Variants in EFNB1 observed in about 807,000 individuals in gnomAD.
EFNB1 encodes the protein ephrin-B1.
A neutral mutation model predicts 18.1 loss-of-function variants in EFNB1; 1 was observed. The ratio of observed to expected loss-of-function variants is 0.06; its 90% CI spans 0.02 to 0.26. The LOEUF (loss-of-function observed/expected upper bound fraction) is 0.26. Among genes scored for constraint, EFNB1 ranks in the 10% least tolerant of loss-of-function variants. The probability of loss-of-function intolerance (pLI) is 1.00; values close to 1 mark genes in which losing one functional copy is unlikely to be tolerated. For synonymous variants in EFNB1, 131 were observed against 127.5 expected, an observed-to-expected ratio of 1.03 and a Z score of -0.19; for missense variants, 221 against 301.8, an observed-to-expected ratio of 0.73 and a Z score of 1.98.
intron 2 of EFNB1, among the ~76,000 whole-genome samples, chrX:68,839,322 G>A (rs1396837981): frequency 1.8e-5 from 2 of 112,211 alleles, no homozygotes; most frequent in African/African-American, 6.5e-5. Context: ...CTCCAACCCA[G>A]TTCTCCTGAT....
intron 3 of EFNB1, 74 bp downstream of exon 3, chrX:68,839,830 A>C (rs1407807270): frequency 8.5e-7 from 1 of 1,175,484 alleles, no homozygotes; most frequent in Middle Eastern, 2.5e-4. Context: ...GGCTGGGTGC[A>C]TGTGTATTAG....
chrX:68,831,119 G>A (rs2080444051), intron 1 of EFNB1, among the ~76,000 whole-genome samples: 1 of 111,098 alleles, frequency 9.0e-6, no homozygotes, highest in Admixed American at 9.5e-5. Flanking sequence ...TGCTCCATCC[G>A]TGATCACTGA....
At chrX:68,838,480 T>G in intron 1 of EFNB1, 137 bp from the exon 2 acceptor site, 2 of 707,454 alleles carry the variant, frequency 2.8e-6, no homozygotes, top group South Asian at 2.5e-5. Flanking sequence ...AGCCTGAGGA[T>G]GGAGGAAGGG....
intron 1 of EFNB1, among the ~76,000 whole-genome samples, chrX:68,838,204 T>G (rs2080467180): frequency 9.6e-6 from 1 of 104,043 alleles, no homozygotes. Context: ...TGTATGGGTA[T>G]AGGAGAGGTA....
chrX:68,838,181 G>A (rs754521492), intron 1 of EFNB1, among the ~76,000 whole-genome samples: 3,213 of 99,756 alleles, frequency 0.032, 138 homozygotes, highest in African/African-American at 0.11. Flanking sequence ...GTGCGCGCGC[G>A]CGCGCGCACG....
In EFNB1 at chrX:68,829,819, G is replaced by A; in HGVS notation, c.43G>A (p.Ala15Thr). ...GQRWLGKWLVAMVVWALCRLA... is the reference protein window; with the variant it reads ...GQRWLGKWLVTMVVWALCRLA... ...GCGTTGGCTCGGCAAGTGGCTTGTG[G>A]CGATGGTCGTGTGGGCGCTGTGCCG... is the stretch of plus-strand genomic sequence containing the variant. The change falls in exon 1 of 5, where the codon GCG becomes ACG. Residue 15 changes from alanine (A) to threonine (T), a missense_variant. By Grantham distance (58) the Ala-to-Thr change is moderately conservative. Coordinates refer to ENST00000204961, the MANE Select transcript of EFNB1 (RefSeq NM_004429.5). 8.5e-7 allele frequency: 1 copy of A among 1,182,584 alleles called. No homozygotes were observed. Among genetic ancestry groups the A allele is most frequent in the Non-Finnish European group, 1.1e-6 (1 of 881,552 alleles).
chrX:68,840,444 G>A lies in EFNB1; in HGVS notation c.831G>A (p.Ala277=), dbSNP rs763142613. The change falls in exon 5 of 5, where the codon GCG becomes GCA. Residue 277 remains alanine (A), a synonymous_variant. Coordinates refer to ENST00000204961, the MANE Select transcript of EFNB1 (RefSeq NM_004429.5). Reference sequence around the variant, plus strand: ...ACCGCAAGCACACACAGCAGCGGGCGGCTGCCCTCTCGCTCAGTACCCTGG... The same window carrying A: ...ACCGCAAGCACACACAGCAGCGGGCAGCTGCCCTCTCGCTCAGTACCCTGG... ...KRHRKHTQQR[A]AALSLSTLAS... 28 of 1,210,515 alleles carry A rather than the reference G, an allele frequency of 2.3e-5. No homozygotes were observed. Among genetic ancestry groups the A allele is most frequent in the Middle Eastern group, 2.3e-4 (1 of 4,375 alleles).
At chrX:68,830,439 C>T (rs2147973435) in intron 1 of EFNB1, among the ~76,000 whole-genome samples, 1 of 113,239 alleles carries the variant, frequency 8.8e-6, no homozygotes, top group South Asian at 3.6e-4. Context: ...TCTCTTTCTT[C>T]CCTGTTTTCC....
intron 1 of EFNB1, among the ~76,000 whole-genome samples, chrX:68,835,227 G>A (rs1316745230): frequency 1.8e-5 from 2 of 111,123 alleles, no homozygotes; most frequent in Non-Finnish European, 3.8e-5. Context: ...AGGCTGGAGA[G>A]GGAAGGCCTC....
intron 1 of EFNB1, among the ~76,000 whole-genome samples, chrX:68,833,468 C>T (rs900954890): frequency 6.1e-5 from 6 of 98,025 alleles, no homozygotes; most frequent in East Asian, 5.6e-4. Flanking sequence ...TTGTCTCATC[C>T]GCTCAGGTGA....
At chrX:68,838,533 C>T (rs995935535) in intron 1 of EFNB1, 84 bp from the exon 2 acceptor site, 49 of 1,132,648 alleles carry the variant, frequency 4.3e-5, no homozygotes, top group African/African-American at 1.1e-4. Context: ...AGGCCCAGCC[C>T]GGCTCTTGTC....
At position 68,840,415 on chromosome X, in the gene EFNB1, C is replaced by T. The variant is rs778499542; in HGVS notation, c.802C>T (p.Arg268Trp). Reference protein sequence around the residue: ...LTVLLLKLRKRHRKHTQQRAA... With the variant: ...LTVLLLKLRKWHRKHTQQRAA... ...GGTCCTACTACTGAAGCTACGCAAG[C>T]GGCACCGCAAGCACACACAGCAGCG... The change falls in exon 5 of 5, where the codon CGG becomes TGG. Residue 268 changes from arginine (R) to tryptophan (W), a missense_variant. Arg to Trp is a moderately radical substitution (Grantham distance 101, BLOSUM62 -3). Transcript: ENST00000204961. 3.3e-6 allele frequency: 4 copies of T among 1,211,980 alleles called. No individual in the cohort carries two copies. The highest frequency in any genetic ancestry group is 4.5e-6 in the Non-Finnish European group (4 of 895,535).
chrX:68,833,167 C>T (rs1331253698), intron 1 of EFNB1, among the ~76,000 whole-genome samples: 1 of 111,331 alleles, frequency 9.0e-6, no homozygotes. Flanking sequence ...CTTGCCTGCT[C>T]CAAGCCAAAG....
rs1199793621 is a variant in EFNB1 at position 68,841,917 on chromosome X, C to T, written c.*1263C>T. 1 of 113,287 alleles carries T rather than the reference C, an allele frequency of 8.8e-6. No homozygotes were observed. Among genetic ancestry groups the T allele is most frequent in the East Asian group, 2.8e-4 (1 of 3,567 alleles). The allele number at this position is 113,287 out of a possible 1,213,427, so 9.3% of individuals were successfully genotyped here. A position where few individuals can be genotyped will look rare whatever the true frequency, so the allele number is the denominator to read the frequency against. ...GAGCTGGCCCTCACACCATCCACCT[C>T]CACACTGCCTCCTGGCCAGCTGCCC... On this transcript the variant is annotated 3_prime_UTR_variant, in exon 5 of 5. Coordinates refer to ENST00000204961, the MANE Select transcript of EFNB1 (RefSeq NM_004429.5).
chrX:68,840,445 G>T lies in EFNB1; in HGVS notation c.832G>T (p.Ala278Ser). 1.7e-6 allele frequency: 2 copies of T among 1,211,824 alleles called. No homozygotes were observed. Among genetic ancestry groups the T allele is most frequent in the South Asian group, 3.5e-5 (2 of 56,943 alleles). Residue 278 changes from alanine (A) to serine (S), a missense_variant, in exon 5 of 5, where the codon GCT becomes TCT. Physicochemically the swap from Ala to Ser is moderately conservative, Grantham distance 99. Transcript: ENST00000204961. ...CCGCAAGCACACACAGCAGCGGGCG[G>T]CTGCCCTCTCGCTCAGTACCCTGGC... ...RHRKHTQQRA[A>S]ALSLSTLASP...
At chrX:68,834,737 G>C (rs1351727299) in intron 1 of EFNB1, among the ~76,000 whole-genome samples, 1 of 112,775 alleles carries the variant, frequency 8.9e-6, no homozygotes, top group African/African-American at 3.2e-5. Flanking sequence ...GTTGAGGCTA[G>C]AGGCTTCTAC....
chrX:68,839,830 A>G, intron 3 of EFNB1, 74 bp downstream of exon 3: 6 of 1,177,016 alleles, frequency 5.1e-6, no homozygotes, highest in Non-Finnish European at 6.9e-6. Flanking sequence ...GGCTGGGTGC[A>G]TGTGTATTAG....
At chrX:68,837,144 C>T (rs892425386) in intron 1 of EFNB1, among the ~76,000 whole-genome samples, 1 of 111,521 alleles carries the variant, frequency 9.0e-6, no homozygotes, top group African/African-American at 3.3e-5. Flanking sequence ...GTCTATCACT[C>T]GAGTATGGGT....
chrX:68,830,260 G>C (rs749452295), intron 1 of EFNB1, among the ~76,000 whole-genome samples: 1 of 111,906 alleles, frequency 8.9e-6, no homozygotes, highest in African/African-American at 3.2e-5. Context: ...TGGGAACGTG[G>C]TGATTTTCGC....
Sources: allele counts gnomAD v4.1 joint callset (sites outside exome capture counted in the v4.1 genomes callset), GRCh38; gene constraint gnomAD v4.1.1; transcripts MANE v1.5; gene names NCBI Gene and HGNC (gene_info 2026-07-23, HGNC 2026-07-21).